Variants in FSIP1 observed in about 807,000 individuals in gnomAD.
The protein encoded by FSIP1 is fibrous sheath-interacting protein 1.
A neutral mutation model predicts 60.9 loss-of-function variants in FSIP1; 65 were observed. The observed-to-expected ratio is 1.07, with a 90% confidence interval of 0.87 to 1.31. The LOEUF (loss-of-function observed/expected upper bound fraction) is 1.31. Among genes scored for constraint, FSIP1 ranks in the 40% most tolerant of loss-of-function variants. FSIP1 has a pLI of 0.00. For missense variants in FSIP1, 675 were observed against 665.5 expected, an observed-to-expected ratio of 1.01 and a Z score of -0.16; for synonymous variants, 209 against 221.2, an observed-to-expected ratio of 0.94 and a Z score of 0.49.
At position 39,749,746 on chromosome 15, in the gene FSIP1, A is replaced by G. The variant is rs116739809; in HGVS notation, c.560-7846T>C. On this transcript the variant is annotated intron_variant, in intron 5 of 11. Transcript: ENST00000350221. Reference sequence around the variant, plus strand: ...ACGGAAAGCTTTTCCTCTGAGATCTAGTACAAGGTAGGGATGCCCACTCTC... The same window carrying G: ...ACGGAAAGCTTTTCCTCTGAGATCTGGTACAAGGTAGGGATGCCCACTCTC... Among the ~76,000 whole-genome samples the G allele has an allele frequency of 5.9e-3, 893 of 152,142 alleles. 11 individuals carry two copies. Among genetic ancestry groups the G allele is most frequent in the African/African-American group, 0.021 (853 of 41,558 alleles).
chr15:39,605,152 T>A lies in FSIP1; in HGVS notation c.1700-4226A>T, dbSNP rs111289854. On this transcript the variant is annotated intron_variant, in intron 11 of 11. Coordinates refer to ENST00000350221, the MANE Select transcript of FSIP1 (RefSeq NM_152597.5). Reference sequence around the variant, plus strand: ...GTCATTATTAGTAGAACTTTTTTTTTATCTGAGGATCCCAATAAGATAACA... The same window carrying A: ...GTCATTATTAGTAGAACTTTTTTTTAATCTGAGGATCCCAATAAGATAACA... Among the ~76,000 whole-genome samples, 232 of 152,336 alleles carry A rather than the reference T, an allele frequency of 1.5e-3. 1 individual carries two copies. Among genetic ancestry groups the A allele is most frequent in the African/African-American group, 5.4e-3 (225 of 41,582 alleles).
At chr15:39,726,873 A>AAC (rs1555395915) in intron 8 of FSIP1, 126 bp from the exon 9 acceptor site, 2 of 568,574 alleles carry the variant, frequency 3.5e-6, no homozygotes, top group Non-Finnish European at 5.9e-6. Flanking sequence ...ACACACACAC[A>AAC]ACACACACAA....
intron 5 of FSIP1, among the ~76,000 whole-genome samples, chr15:39,756,610 T>C (rs1057210648): frequency 6.6e-6 from 1 of 152,048 alleles, no homozygotes; most frequent in Non-Finnish European, 1.5e-5. Context: ...GCGCTGGGAT[T>C]ACATGCATGA....
In FSIP1 at chr15:39,726,631, T is replaced by C. The variant is rs1473059183; in HGVS notation, c.1008A>G (p.Thr336=). ...CAAGTCTTGGAGAAAAACTGGAAAT[T>C]GTAGGGGAGGCTGCAGAGAGTTCTT... ...KLQELSAASP[T]ISSFSPRLEN... Residue 336 remains threonine, a synonymous_variant, in exon 9 of 12, where the codon ACA becomes ACG. Coordinates refer to ENST00000350221, the MANE Select transcript of FSIP1 (RefSeq NM_152597.5). The C allele has an allele frequency of 6.2e-7, 1 of 1,614,050 alleles. No individual in the cohort carries two copies. The highest frequency in any genetic ancestry group is 2.2e-5 in the East Asian group (1 of 44,858).
rs1055447940 is a variant in FSIP1 at position 39,618,988 on chromosome 15, T to C, written c.1189-743A>G. 3.3e-5 allele frequency among the ~76,000 whole-genome samples: 5 copies of C among 152,108 alleles called. No homozygotes were observed. In the East Asian group the frequency reaches 9.6e-4, roughly 29 times the overall value. On this transcript the variant is annotated intron_variant, in intron 10 of 11. Transcript: ENST00000350221. ...CCCAAAAAATCAGTGTCTTCCATGGTTTACATGTGGATTATCTAGGAAAAG... is the reference window on the plus strand; with the variant it reads ...CCCAAAAAATCAGTGTCTTCCATGGCTTACATGTGGATTATCTAGGAAAAG...
At chr15:39,628,756 G>A (rs1349606642) in intron 10 of FSIP1, among the ~76,000 whole-genome samples, 1 of 152,086 alleles carries the variant, frequency 6.6e-6, no homozygotes, top group Admixed American at 6.5e-5. Context: ...TTTAGATTCC[G>A]GCTCTCTCAT....
intron 5 of FSIP1, among the ~76,000 whole-genome samples, chr15:39,758,978 G>A (rs1442272726): frequency 6.6e-6 from 1 of 151,488 alleles, no homozygotes; most frequent in Non-Finnish European, 1.5e-5. Context: ...GCAAATTGGG[G>A]GAAAAAAACA....
At chr15:39,766,211 C>T (rs1897682560) in intron 3 of FSIP1, among the ~76,000 whole-genome samples, 1 of 152,162 alleles carries the variant, frequency 6.6e-6, no homozygotes, top group Non-Finnish European at 1.5e-5. Context: ...TTCAGTGACA[C>T]AAAGTGGTTG....
chr15:39,740,122 G>C (rs1177064765), intron 6 of FSIP1, among the ~76,000 whole-genome samples: 1 of 152,128 alleles, frequency 6.6e-6, no homozygotes, highest in African/African-American at 2.4e-5. Flanking sequence ...ATGTTAGGGA[G>C]ACTTTAAAAT....
intron 10 of FSIP1, among the ~76,000 whole-genome samples, chr15:39,699,481 A>C (rs559317005): frequency 6.6e-6 from 1 of 152,340 alleles, no homozygotes; most frequent in East Asian, 1.9e-4. Flanking sequence ...AGTTCTTACA[A>C]CAACTTTCAG....
chr15:39,763,776 T>C (rs1204212069), intron 5 of FSIP1, 45 bp downstream of exon 5: 2 of 954,602 alleles, frequency 2.1e-6, no homozygotes, highest in Admixed American at 1.9e-5. Flanking sequence ...AAATATTCCA[T>C]GACTCAGATA....
chr15:39,603,498 G>A lies in FSIP1; in HGVS notation c.1700-2572C>T, dbSNP rs553550883. Among the ~76,000 whole-genome samples, 28 of 152,366 alleles carry A rather than the reference G, an allele frequency of 1.8e-4. No homozygotes were observed. The East Asian group carries it at 5.0e-3, about 27-fold the overall frequency. On this transcript the variant is annotated intron_variant, in intron 11 of 11. Coordinates refer to ENST00000350221, the MANE Select transcript of FSIP1 (RefSeq NM_152597.5). The stretch of plus-strand genomic sequence containing the variant: ...TTAAATGCCAGGCCGGCTCAAGGCA[G>A]ACGGAAGTAGAGAGACTGGGCAATC...
intron 9 of FSIP1, among the ~76,000 whole-genome samples, chr15:39,715,701 C>A (rs1895712178): frequency 2.0e-5 from 3 of 152,138 alleles, no homozygotes; most frequent in Non-Finnish European, 2.9e-5. Flanking sequence ...CGAATTGTAA[C>A]CCCCAGTGTT....
chr15:39,721,228 A>C (rs1331997016), intron 9 of FSIP1, among the ~76,000 whole-genome samples: 1 of 152,202 alleles, frequency 6.6e-6, no homozygotes. Flanking sequence ...CACATTTATC[A>C]TCTTAAATCT....
At chr15:39,649,701 G>A (rs981617647) in intron 10 of FSIP1, among the ~76,000 whole-genome samples, 6 of 152,074 alleles carry the variant, frequency 3.9e-5, no homozygotes, top group South Asian at 2.1e-4. Context: ...CTACTCTGCC[G>A]TCGTCCTCTG....
At chr15:39,781,259 A>G (rs1898256376) in intron 1 of FSIP1, among the ~76,000 whole-genome samples, 2 of 152,232 alleles carry the variant, frequency 1.3e-5, no homozygotes, top group South Asian at 2.1e-4. Context: ...AAAAATCACA[A>G]TGAGATACCA....
rs1893757953 is a variant in FSIP1, at chr15:39,672,416, T to C, written c.1188+41028A>G. Among the ~76,000 whole-genome samples, 4 of 152,280 alleles carry C rather than the reference T, an allele frequency of 2.6e-5. No individual in the cohort carries two copies. The South Asian group carries it at 8.3e-4, about 32-fold the overall frequency. On this transcript the variant is annotated intron_variant, in intron 10 of 11. Coordinates refer to ENST00000350221, the MANE Select transcript of FSIP1 (RefSeq NM_152597.5). ...TGTGAGCAACACTATTGACTGTCTC[T>C]CCCTTCTCTCCAGGAATAGTACAGA...
intron 10 of FSIP1, among the ~76,000 whole-genome samples, chr15:39,641,543 A>G (rs1238505939): frequency 1.3e-5 from 2 of 152,252 alleles, no homozygotes; most frequent in Non-Finnish European, 2.9e-5. Flanking sequence ...AATAAGCACT[A>G]TGACAAATAT....
chr15:39,656,527 G>A (rs1343539738), intron 10 of FSIP1, among the ~76,000 whole-genome samples: 2 of 152,164 alleles, frequency 1.3e-5, no homozygotes, highest in Non-Finnish European at 2.9e-5. Flanking sequence ...TTCACACTCT[G>A]ACTCTGCCAC....
Sources: allele counts gnomAD v4.1 joint callset (sites outside exome capture counted in the v4.1 genomes callset), GRCh38; gene constraint gnomAD v4.1.1; transcripts MANE v1.5; gene names NCBI Gene and HGNC (gene_info 2026-07-23, HGNC 2026-07-21).